Variants in SUMF1 observed in about 807,000 individuals in gnomAD.
SUMF1 encodes the protein formylglycine-generating enzyme.
Under a neutral mutation model 47.6 loss-of-function variants are expected in SUMF1, and 48 were observed. The ratio of observed to expected loss-of-function variants is 1.01; its 90% CI spans 0.80 to 1.28. SUMF1 has a LOEUF of 1.28. SUMF1 is among the 50% of genes most tolerant of loss of function. The pLI is 0.00. For missense variants in SUMF1, 571 were observed against 485.4 expected, an observed-to-expected ratio of 1.18 and a Z score of -1.66; for synonymous variants, 230 against 192.1, an observed-to-expected ratio of 1.20 and a Z score of -1.63.
chr3:4,177,441 T>C (rs1368124237), intron 8 of SUMF1, among the ~76,000 whole-genome samples: 1 of 152,120 alleles, frequency 6.6e-6, no homozygotes, highest in Non-Finnish European at 1.5e-5. Flanking sequence ...GAATGACTAC[T>C]GGGTAAATAA....
chr3:4,055,686 T>A (rs1695181724), intron 9 of SUMF1, among the ~76,000 whole-genome samples: 1 of 152,096 alleles, frequency 6.6e-6, no homozygotes, highest in Non-Finnish European at 1.5e-5. Flanking sequence ...TCTTGCTATG[T>A]TGCCCAGTCT....
At chr3:4,219,650 C>T (rs530275251) in intron 8 of SUMF1, among the ~76,000 whole-genome samples, 5 of 152,260 alleles carry the variant, frequency 3.3e-5, no homozygotes, top group Admixed American at 6.5e-5. Context: ...GAGTTTACTT[C>T]TCCACCTAAC....
intron 8 of SUMF1, among the ~76,000 whole-genome samples, chr3:4,282,282 G>C (rs561363617): frequency 6.6e-6 from 1 of 152,100 alleles, no homozygotes; most frequent in Non-Finnish European, 1.5e-5. Flanking sequence ...AAGGGAAAAA[G>C]CTTTATTGCA....
At chr3:4,450,054 A>G (rs1205180900) in intron 2 of SUMF1, among the ~76,000 whole-genome samples, 1 of 152,154 alleles carries the variant, frequency 6.6e-6, no homozygotes, top group Non-Finnish European at 1.5e-5. Flanking sequence ...GCTCTCTGCA[A>G]TTCTACTACA....
In SUMF1 at chr3:4,361,846, C is replaced by CGT. The variant is rs1559244470; in HGVS notation, c.*296_*297dup. On this transcript the variant is annotated 3_prime_UTR_variant, in exon 9 of 9. Transcript: ENST00000272902. ...GGTCTAACCCCTGTGGCAGAGCCTG[C>CGT]GTAGGACGCGGGCCTCCTGAAGCCT... 2.5e-6 allele frequency: 1 copy of CGT among 400,672 alleles called. No individual in the cohort carries two copies. Among genetic ancestry groups the CGT allele is most frequent in the Non-Finnish European group, 4.7e-6 (1 of 211,908 alleles). 24.8% of individuals were successfully genotyped at this position (400,672 alleles called of 1,614,324 possible). A position where few individuals can be genotyped will look rare whatever the true frequency, so the allele number is the denominator to read the frequency against.
chr3:4,422,767 C>CT lies in SUMF1; in HGVS notation c.520-2622dup, dbSNP rs747104214. On this transcript the variant is annotated intron_variant, in intron 3 of 8. Transcript: ENST00000272902. ...TGCCATTTCCTACCCTCTTTTCTTC[C>CT]TTTTTTTTTTTAAAAAAAATTATGT... Among the ~76,000 whole-genome samples the CT allele has an allele frequency of 4.0e-5, 6 of 149,612 alleles. No homozygotes were observed. In the South Asian group the frequency reaches 8.5e-4, roughly 21 times the overall value.
chr3:4,056,197 G>T (rs1237770006), intron 9 of SUMF1, among the ~76,000 whole-genome samples: 1 of 152,072 alleles, frequency 6.6e-6, no homozygotes, highest in Non-Finnish European at 1.5e-5. Flanking sequence ...GACATCTTTA[G>T]GGACCATTAT....
At chr3:4,409,252 T>C (rs77548929) in intron 7 of SUMF1, among the ~76,000 whole-genome samples, 1 of 152,060 alleles carries the variant, frequency 6.6e-6, no homozygotes, top group Non-Finnish European at 1.5e-5. Context: ...TGTCTAAGGA[T>C]TTGGGGTTTA....
At chr3:4,312,855 T>C (rs1159845507) in intron 8 of SUMF1, 2 of 1,547,380 alleles carry the variant, frequency 1.3e-6, no homozygotes, top group Non-Finnish European at 1.7e-6. Flanking sequence ...ATAGGAAATA[T>C]ATGACATGCC....
chr3:4,389,514 G>T (rs78359082), intron 7 of SUMF1, among the ~76,000 whole-genome samples: 3,739 of 152,214 alleles, frequency 0.025, 150 homozygotes, highest in African/African-American at 0.086. Context: ...CCAAACTGGA[G>T]GTGCTTTCAG....
intron 8 of SUMF1, among the ~76,000 whole-genome samples, chr3:4,137,773 A>G (rs1391842215): frequency 6.6e-6 from 1 of 152,086 alleles, no homozygotes; most frequent in African/African-American, 2.4e-5. Flanking sequence ...CATTCCTACC[A>G]CTTTTATTTA....
downstream of SUMF1, among the ~76,000 whole-genome samples, chr3:4,360,205 C>CTTTTTTTTTT (rs57690047): frequency 1.1e-4 from 11 of 104,104 alleles, 1 homozygote; most frequent in African/African-American, 1.7e-4. Flanking sequence ...AATGTTTGTT[C>CTTTTTTTTTT]TTTTTTTTTT....
chr3:4,336,447 C>T (rs902831217), intron 8 of SUMF1, among the ~76,000 whole-genome samples: 3 of 152,066 alleles, frequency 2.0e-5, no homozygotes, highest in African/African-American at 7.2e-5. Context: ...GGGAGTAGAG[C>T]AAATGAGGCT....
At chr3:4,267,319 C>T (rs567332064) in intron 8 of SUMF1, among the ~76,000 whole-genome samples, 40 of 152,248 alleles carry the variant, frequency 2.6e-4, no homozygotes, top group African/African-American at 8.9e-4. Flanking sequence ...CCTCCCTGTA[C>T]CTCTGGTAGA....
intron 1 of SUMF1, 149 bp downstream of exon 1, chr3:4,466,827 G>A: frequency 2.4e-6 from 3 of 1,239,424 alleles, no homozygotes; most frequent in Non-Finnish European, 3.3e-6. Flanking sequence ...GCACGGAGAA[G>A]GAACTCCTCA....
intron 9 of SUMF1, among the ~76,000 whole-genome samples, chr3:4,046,017 G>A (rs865872216): frequency 2.0e-5 from 3 of 152,138 alleles, no homozygotes; most frequent in Middle Eastern, 3.4e-3. Context: ...CACCACTACT[G>A]TCCAACCTGG....
chr3:4,323,214 T>C (rs185393399), intron 8 of SUMF1, among the ~76,000 whole-genome samples: 1 of 152,254 alleles, frequency 6.6e-6, no homozygotes, highest in Admixed American at 6.5e-5. Flanking sequence ...TAAAAAGGAA[T>C]GAAATACCAA....
chr3:4,322,118 G>A (rs534305408), intron 8 of SUMF1, among the ~76,000 whole-genome samples: 32 of 152,072 alleles, frequency 2.1e-4, no homozygotes, highest in Non-Finnish European at 3.5e-4. Context: ...AAAAGTCTAA[G>A]AAATTGTCAC....
intron 8 of SUMF1, among the ~76,000 whole-genome samples, chr3:4,253,435 C>A (rs1247837664): frequency 6.6e-6 from 1 of 152,200 alleles, no homozygotes; most frequent in South Asian, 2.1e-4. Context: ...CAGGGCGAGG[C>A]ATTGCCTCAC....
Sources: allele counts gnomAD v4.1 joint callset (sites outside exome capture counted in the v4.1 genomes callset), GRCh38; gene constraint gnomAD v4.1.1; transcripts MANE v1.5; gene names NCBI Gene and HGNC (gene_info 2026-07-23, HGNC 2026-07-21).